LMBRD2: variants seen among roughly 807,000 people sequenced by gnomAD.
LMBRD2 encodes LMBR1 domain containing 2, also known as G protein-coupled receptor-associated protein LMBRD2.
In LMBRD2, 55 loss-of-function variants were observed where a neutral mutation model predicts 94.4. The observed-to-expected ratio is 0.58, with a 90% confidence interval of 0.47 to 0.73. The LOEUF is 0.73. Ranked by LOEUF, LMBRD2 falls within the 30% of genes least tolerant of loss-of-function variation. The pLI is 0.00. For missense variants in LMBRD2, 640 were observed against 831.9 expected, an observed-to-expected ratio of 0.77 and a Z score of 2.84; for synonymous variants, 246 against 272.4, an observed-to-expected ratio of 0.90 and a Z score of 0.95.
intron 5 of LMBRD2, 72 bp from the exon 6 acceptor site, chr5:36,136,591 T>G: frequency 2.3e-6 from 3 of 1,277,570 alleles, no homozygotes; most frequent in Non-Finnish European, 3.4e-6. Context: ...TAAATAGACT[T>G]TAACACAGGA....
chr5:36,117,795 T>G lies in LMBRD2; in HGVS notation c.1242A>C (p.Leu414Phe). ...ECTFFSTTPV[L>F]SLFAVFIQLA... ...GCTGTATGAAGACCGCAAAGAGGGA[T>G]AAGACAGGAGTAGTGCTAAAGAATG... Residue 414 changes from leucine (L) to phenylalanine (F), a missense_variant, in exon 10 of 18, where the codon TTA (leucine) becomes TTC (phenylalanine). By Grantham distance (22) the Leu-to-Phe change is conservative. Transcript: ENST00000296603. The G allele has an allele frequency of 1.9e-6, 3 of 1,613,826 alleles. No individual in the cohort carries two copies. Among genetic ancestry groups the G allele is most frequent in the Non-Finnish European group, 2.5e-6 (3 of 1,179,840 alleles).
Position 36,126,271 on chromosome 5 carries a change from T to C in LMBRD2, c.748-2006A>G, listed in dbSNP as rs548979947. ...AACTAAACAATTTGTTTATATATTA[T>C]ATGTGAAATACCATGTTTTTTTCTT... On this transcript the variant is annotated intron_variant, in intron 6 of 17. Coordinates refer to ENST00000296603, the MANE Select transcript of LMBRD2 (RefSeq NM_001007527.2). 2.6e-5 allele frequency among the ~76,000 whole-genome samples: 4 copies of C among 152,338 alleles called. No homozygotes were observed. In the East Asian group the frequency reaches 5.8e-4, roughly 22 times the overall value.
chr5:36,147,577 A>G (rs1024785183), intron 1 of LMBRD2, among the ~76,000 whole-genome samples: 1 of 152,178 alleles, frequency 6.6e-6, no homozygotes, highest in Non-Finnish European at 1.5e-5. Flanking sequence ...ATCCAATTCA[A>G]TCTTTTTCCA....
At chr5:36,149,318 C>A (rs33670) in intron 1 of LMBRD2, among the ~76,000 whole-genome samples, 124,001 of 152,220 alleles carry the variant, frequency 0.81, 51,262 homozygotes, top group Non-Finnish European at 0.87. Context: ...ACCACAGAGA[C>A]TATCAGTTCT....
intron 5 of LMBRD2, 144 bp from the exon 6 acceptor site, chr5:36,136,663 A>G (rs1237824643): frequency 3.0e-6 from 2 of 672,956 alleles, no homozygotes; most frequent in East Asian, 5.4e-5. Context: ...TAATATGTAT[A>G]TATTTTCCCA....
At chr5:36,122,253 G>A (rs753371500) in intron 9 of LMBRD2, 27 bp downstream of exon 9, 5 of 1,513,362 alleles carry the variant, frequency 3.3e-6, no homozygotes, top group East Asian at 4.6e-5. Context: ...CATCATTAAA[G>A]TTTGAAATTT....
intron 4 of LMBRD2, among the ~76,000 whole-genome samples, chr5:36,137,718 G>T (rs147850099): frequency 0.01 from 1,569 of 152,252 alleles, 16 homozygotes; most frequent in Admixed American, 0.038. Context: ...GTTTCCTAAG[G>T]CTTCACACGG....
intron 6 of LMBRD2, among the ~76,000 whole-genome samples, chr5:36,126,458 T>C (rs1193986921): frequency 6.6e-6 from 1 of 152,204 alleles, no homozygotes; most frequent in East Asian, 1.9e-4. Context: ...ATAATGTAAC[T>C]TTGAGCTCTT....
chr5:36,145,738 C>T (rs1437195140), intron 1 of LMBRD2, among the ~76,000 whole-genome samples: 1 of 151,118 alleles, frequency 6.6e-6, no homozygotes, highest in Non-Finnish European at 1.5e-5. Context: ...GACAATCATA[C>T]AAAAAAAAGA....
chr5:36,113,084 G>A (rs545574093), intron 13 of LMBRD2, among the ~76,000 whole-genome samples: 25 of 152,228 alleles, frequency 1.6e-4, no homozygotes, highest in African/African-American at 5.5e-4. Flanking sequence ...TCCAAAGAAA[G>A]AAGTAAAAAC....
intron 1 of LMBRD2, among the ~76,000 whole-genome samples, chr5:36,145,637 C>T (rs1744520189): frequency 6.6e-6 from 1 of 152,044 alleles, no homozygotes; most frequent in African/African-American, 2.4e-5. Flanking sequence ...TTTAAAAAAA[C>T]CCAATTGATG....
In LMBRD2 at chr5:36,136,293, G is replaced by GT. The variant is rs1744268512; in HGVS notation, c.747+15dup. Reference sequence around the variant, plus strand: ...TGACTTAGTGACTATTGCTTATAAGGTTCAAACTTGCTTACCTCCATGGCA... The same window carrying GT: ...TGACTTAGTGACTATTGCTTATAAGGTTTCAAACTTGCTTACCTCCATGGCA... On this transcript the variant is annotated intron_variant, in intron 6 of 17. Coordinates refer to ENST00000296603, the MANE Select transcript of LMBRD2 (RefSeq NM_001007527.2). 6.2e-7 allele frequency: 1 copy of GT among 1,611,370 alleles called. No homozygotes were observed. The highest frequency in any genetic ancestry group is 8.5e-7 in the Non-Finnish European group (1 of 1,177,654).
In LMBRD2 at chr5:36,151,466, A is replaced by T. The variant is rs1744710235; in HGVS notation, c.-58+90T>A. On this transcript the variant is annotated intron_variant, in intron 1 of 17. Coordinates refer to ENST00000296603, the MANE Select transcript of LMBRD2 (RefSeq NM_001007527.2). This position sits in a 1 kb window ranked among gnomAD's most constrained non-coding sequence, Gnocchi z 4.7. ...AGGAAGGATCCCGTCCACAGACCCA[A>T]TTCTTAGGGCCGCCTTCTCCCCGAC... The T allele has an allele frequency of 6.6e-6, 1 of 152,202 alleles. No individual in the cohort carries two copies. The highest frequency in any genetic ancestry group is 1.5e-5 in the Non-Finnish European group (1 of 68,080). 9.4% of individuals were successfully genotyped at this position (152,202 alleles called of 1,614,324 possible). A position where few individuals can be genotyped will look rare whatever the true frequency, so the allele number is the denominator to read the frequency against.
intron 9 of LMBRD2, 48 bp from the exon 10 acceptor site, chr5:36,117,964 T>C: frequency 5.8e-6 from 8 of 1,375,218 alleles, no homozygotes; most frequent in Non-Finnish European, 8.0e-6. Context: ...AAAAGAGTAA[T>C]GGGATATTTA....
At chr5:36,147,298 C>A (rs1439899801) in intron 1 of LMBRD2, among the ~76,000 whole-genome samples, 4 of 151,990 alleles carry the variant, frequency 2.6e-5, no homozygotes, top group Non-Finnish European at 5.9e-5. Flanking sequence ...TATCTTTAAC[C>A]TTGTGCCAAC....
Position 36,103,611 on chromosome 5 carries a change from A to AT in LMBRD2, c.*434dup, listed in dbSNP as rs1743395357. ...CCATTCACTTACATTTCTTTGGGAA[A>AT]TACAGGTTGAATATACTTTTTAGAA... On this transcript the variant is annotated 3_prime_UTR_variant, in exon 18 of 18. Transcript: ENST00000296603. 6.6e-6 allele frequency: 1 copy of AT among 152,610 alleles called. No homozygotes were observed. Among genetic ancestry groups the AT allele is most frequent in the Non-Finnish European group, 1.5e-5 (1 of 68,012 alleles). The allele number at this position is 152,610 out of a possible 1,614,324, so 9.5% of individuals were successfully genotyped here.
intron 9 of LMBRD2, among the ~76,000 whole-genome samples, chr5:36,118,146 C>T (rs1172285717): frequency 1.3e-5 from 2 of 152,186 alleles, no homozygotes; most frequent in Non-Finnish European, 2.9e-5. Flanking sequence ...GACATTGCTG[C>T]TGTGGTAGTC....
At chr5:36,128,433 G>A (rs184024526) in intron 6 of LMBRD2, among the ~76,000 whole-genome samples, 6 of 152,180 alleles carry the variant, frequency 3.9e-5, no homozygotes, top group African/African-American at 1.4e-4. Flanking sequence ...ACTAAATAAG[G>A]CACCAGGGCC....
chr5:36,142,284 G>A (rs1434177064), intron 3 of LMBRD2, among the ~76,000 whole-genome samples: 3 of 152,170 alleles, frequency 2.0e-5, no homozygotes, highest in African/African-American at 4.8e-5. Context: ...TCTCACTACC[G>A]TCTACTGAAG....
Sources: allele counts gnomAD v4.1 joint callset (sites outside exome capture counted in the v4.1 genomes callset), GRCh38; gene constraint gnomAD v4.1.1; non-coding constraint Gnocchi (gnomAD v3.1); transcripts MANE v1.5; gene names NCBI Gene and HGNC (gene_info 2026-07-23, HGNC 2026-07-21).